ROR1: variants seen among roughly 807,000 people sequenced by gnomAD.
The protein encoded by ROR1 is ROR family WNT receptor 1.
Under a neutral mutation model 78.8 loss-of-function variants are expected in ROR1, and 19 were observed. The observed-to-expected ratio is 0.24, with a 90% CI of 0.17 to 0.35. The LOEUF is 0.35. Among genes scored for constraint, ROR1 ranks in the 10% least tolerant of loss-of-function variants. The probability of loss-of-function intolerance (pLI) is 1.00; values close to 1 mark genes in which losing one functional copy is unlikely to be tolerated. For missense variants in ROR1, 917 were observed against 1,177.8 expected, an observed-to-expected ratio of 0.78 and a Z score of 3.24; for synonymous variants, 386 against 433.6, an observed-to-expected ratio of 0.89 and a Z score of 1.36.
rs111890605 is a variant in ROR1, at chr1:63,935,329, C to A, written c.92-73976C>A. ...GCATCAGATGAGCTAAGATGCAGTT[C>A]TGCAACTGCTGAGGACCAGGTCCTG... On this transcript the variant is annotated intron_variant, in intron 1 of 8. Coordinates refer to ENST00000371079, the MANE Select transcript of ROR1 (RefSeq NM_005012.4). Among the ~76,000 whole-genome samples the A allele has an allele frequency of 9.0e-3, 1,375 of 152,282 alleles. 18 individuals are homozygous for A. The highest frequency in any genetic ancestry group is 0.031 in the African/African-American group (1,282 of 41,564).
chr1:64,049,735 T>C lies in ROR1; in HGVS notation c.208T>C (p.Ser70Pro). 6.2e-7 allele frequency: 1 copy of C among 1,614,032 alleles called. No individual in the cohort carries two copies. The change falls in exon 3 of 9, where the codon TCT becomes CCT. Residue 70 changes from serine to proline, a missense_variant. Ser to Pro is a moderately conservative substitution (Grantham distance 74). Around this residue, in one of 3 missense-constraint regions of ROR1, gnomAD observed 19 missense variants for 50.9 expected, o/e 0.37. Transcript: ENST00000371079. Reference protein sequence around the residue: ...LDEPMNNITTSLGQTAELHCK... With the variant: ...LDEPMNNITTPLGQTAELHCK... ...TGAACCAATGAATAACATCACCACGTCTCTGGGCCAGACAGCAGAACTGCA... is the reference window on the plus strand; with the variant it reads ...TGAACCAATGAATAACATCACCACGCCTCTGGGCCAGACAGCAGAACTGCA...
At chr1:64,125,394 C>CACCAAAGAT (rs1444035596) in intron 4 of ROR1, among the ~76,000 whole-genome samples, 3 of 152,160 alleles carry the variant, frequency 2.0e-5, no homozygotes, top group Non-Finnish European at 4.4e-5. Flanking sequence ...TGTCACCTCT[C>CACCAAAGAT]ACCAAAGATG....
chr1:64,045,957 A>G (rs1248925786), intron 2 of ROR1, among the ~76,000 whole-genome samples: 1 of 152,200 alleles, frequency 6.6e-6, no homozygotes, highest in Non-Finnish European at 1.5e-5. Flanking sequence ...GAAATCTTCC[A>G]TAGCTCAAGC....
At chr1:63,843,566 A>T in intron 1 of ROR1, 1 of 727,558 alleles carries the variant, frequency 1.4e-6, no homozygotes, top group South Asian at 1.3e-5. Context: ...TCTTGTCCTC[A>T]CTAAGGCAGA....
In ROR1 at chr1:63,855,654, CT is replaced by C. The variant is rs541445354; in HGVS notation, c.91+81159del. Among the ~76,000 whole-genome samples, 186 of 143,980 alleles carry C rather than the reference CT, an allele frequency of 1.3e-3. 1 individual carries two copies. Among genetic ancestry groups the C allele is most frequent in the Middle Eastern group, 7.1e-3 (2 of 280 alleles). 94.5% of individuals were successfully genotyped at this position (143,980 alleles called of 152,430 possible). On this transcript the variant is annotated intron_variant, in intron 1 of 8. Transcript: ENST00000371079. ...TCACCTCTAGAAGTTTGATGTAGCTCTTTTTTTTTTTTTGAGACGTAGTCTT... is the reference window on the plus strand; with the variant it reads ...TCACCTCTAGAAGTTTGATGTAGCTCTTTTTTTTTTTTGAGACGTAGTCTT...
At chr1:63,783,905 T>G (rs1644668499) in intron 1 of ROR1, among the ~76,000 whole-genome samples, 1 of 152,190 alleles carries the variant, frequency 6.6e-6, no homozygotes, top group South Asian at 2.1e-4. Flanking sequence ...ATAAGGAAAC[T>G]GAGGCACAGA....
intron 4 of ROR1, among the ~76,000 whole-genome samples, chr1:64,060,941 G>A (rs1646912259): frequency 6.6e-6 from 1 of 152,210 alleles, no homozygotes; most frequent in South Asian, 2.1e-4. Context: ...AACAGTGCTT[G>A]TGAATATTGG....
At chr1:63,947,943 T>C (rs972689381) in intron 1 of ROR1, among the ~76,000 whole-genome samples, 1 of 152,206 alleles carries the variant, frequency 6.6e-6, no homozygotes, top group African/African-American at 2.4e-5. Flanking sequence ...GCTGTCATTA[T>C]GAGTGTTTAT....
chr1:64,079,710 G>A (rs906910922), intron 4 of ROR1, among the ~76,000 whole-genome samples: 1 of 152,144 alleles, frequency 6.6e-6, no homozygotes, highest in African/African-American at 2.4e-5. Context: ...TTGAACTCCT[G>A]ACCTCAAGTG....
chr1:63,804,959 A>T (rs946400846), intron 1 of ROR1, among the ~76,000 whole-genome samples: 5 of 152,194 alleles, frequency 3.3e-5, no homozygotes, highest in African/African-American at 1.2e-4. Context: ...TCACATTTTC[A>T]TATTAATGTG....
At chr1:64,050,395 T>C (rs1001169447) in intron 3 of ROR1, among the ~76,000 whole-genome samples, 1 of 152,128 alleles carries the variant, frequency 6.6e-6, no homozygotes, top group African/African-American at 2.4e-5. Context: ...ACTCAGCCCA[T>C]TGGAAACTCC....
At chr1:64,146,915 A>G (rs562732622) in intron 7 of ROR1, among the ~76,000 whole-genome samples, 79 of 152,294 alleles carry the variant, frequency 5.2e-4, no homozygotes, top group African/African-American at 1.9e-3. Flanking sequence ...TATGATTAAC[A>G]TATTTCACTG....
intron 1 of ROR1, among the ~76,000 whole-genome samples, chr1:63,836,078 T>G (rs528761170): frequency 2.7e-4 from 41 of 152,362 alleles, no homozygotes; most frequent in South Asian, 6.2e-4. Context: ...ATTTGCTGCT[T>G]GCTTTTTGTA....
At chr1:64,073,518 C>T (rs977246245) in intron 4 of ROR1, among the ~76,000 whole-genome samples, 1 of 151,972 alleles carries the variant, frequency 6.6e-6, no homozygotes, top group African/African-American at 2.4e-5. Flanking sequence ...CAATCTTCAC[C>T]TTCTGTTTTC....
At chr1:64,067,157 C>A (rs1448053941) in intron 4 of ROR1, among the ~76,000 whole-genome samples, 3 of 151,748 alleles carry the variant, frequency 2.0e-5, no homozygotes, top group Non-Finnish European at 4.4e-5. Context: ...GGAGACCAGC[C>A]TGGGCAATGT....
At chr1:64,154,397 G>T (rs988202985) in intron 7 of ROR1, among the ~76,000 whole-genome samples, 8 of 152,126 alleles carry the variant, frequency 5.3e-5, no homozygotes, top group Non-Finnish European at 7.3e-5. Flanking sequence ...TTCAGTCAAG[G>T]TTATAATTTA....
chr1:64,146,089 C>G (rs938286939), intron 7 of ROR1, among the ~76,000 whole-genome samples: 1 of 152,216 alleles, frequency 6.6e-6, no homozygotes, highest in African/African-American at 2.4e-5. Context: ...TGGTCTCTAA[C>G]TCCTGGGCCC....
chr1:63,940,518 T>C (rs1645830043), intron 1 of ROR1, among the ~76,000 whole-genome samples: 2 of 150,410 alleles, frequency 1.3e-5, no homozygotes, highest in South Asian at 4.2e-4. Flanking sequence ...GATAGATAGA[T>C]AGATAGATAG....
chr1:64,022,792 G>C (rs915719150), intron 2 of ROR1, among the ~76,000 whole-genome samples: 3 of 152,190 alleles, frequency 2.0e-5, no homozygotes, highest in Non-Finnish European at 4.4e-5. Context: ...AATTATCTCT[G>C]CTTACCAAGC....
Sources: allele counts gnomAD v4.1 joint callset (sites outside exome capture counted in the v4.1 genomes callset), GRCh38; gene constraint gnomAD v4.1.1; regional missense constraint gnomAD v4.1.1; transcripts MANE v1.5; gene names NCBI Gene and HGNC (gene_info 2026-07-23, HGNC 2026-07-21).